The following HMCN1 variants were observed in gnomAD, a reference collection of about 807,000 sequenced individuals.
The protein encoded by HMCN1 is hemicentin-1.
Under a neutral mutation model 625.9 loss-of-function variants are expected in HMCN1, and 321 were observed. The ratio of observed to expected loss-of-function variants is 0.51; its 90% CI spans 0.47 to 0.56. HMCN1 has a LOEUF of 0.56. Among genes scored for constraint, HMCN1 ranks in the 20% least tolerant of loss-of-function variants. The probability of loss-of-function intolerance (pLI) is 0.00; values close to 1 mark genes in which losing one functional copy is unlikely to be tolerated. For missense variants in HMCN1, 6,588 were observed against 6,887.3 expected, an observed-to-expected ratio of 0.96 and a Z score of 1.54; for synonymous variants, 2,425 against 2,417.6, an observed-to-expected ratio of 1.00 and a Z score of -0.09.
intron 4 of HMCN1, among the ~76,000 whole-genome samples, chr1:185,899,621 G>A (rs1297275625): frequency 6.6e-6 from 1 of 152,118 alleles, no homozygotes; most frequent in Non-Finnish European, 1.5e-5. Context: ...GAACATTTAT[G>A]TTCTGTTATC....
intron 68 of HMCN1, among the ~76,000 whole-genome samples, chr1:186,101,770 A>G (rs716756): frequency 0.64 from 97,388 of 151,938 alleles, 33,468 homozygotes; most frequent in African/African-American, 0.91. Flanking sequence ...TGTATTCATG[A>G]TGATTGACAT....
chr1:185,840,103 T>C (rs1661389269), intron 1 of HMCN1, among the ~76,000 whole-genome samples: 1 of 152,206 alleles, frequency 6.6e-6, no homozygotes, highest in African/African-American at 2.4e-5. Context: ...CAGGAAACAG[T>C]TCTGCATTTG....
At chr1:186,022,443 G>T (rs1190408718) in intron 35 of HMCN1, among the ~76,000 whole-genome samples, 3 of 152,098 alleles carry the variant, frequency 2.0e-5, no homozygotes, top group Non-Finnish European at 2.9e-5. Flanking sequence ...TACTACCTAG[G>T]CTGGTGGGTA....
chr1:185,793,694 A>C (rs1658155530), intron 1 of HMCN1, among the ~76,000 whole-genome samples: 1 of 152,208 alleles, frequency 6.6e-6, no homozygotes, highest in South Asian at 2.1e-4. Flanking sequence ...TTGATATCAA[A>C]TATTTAAATT....
intron 11 of HMCN1, among the ~76,000 whole-genome samples, chr1:185,956,336 T>C (rs2102544956): frequency 1.3e-5 from 2 of 152,296 alleles, no homozygotes; most frequent in South Asian, 2.1e-4. Context: ...CTGATGCCAA[T>C]TGCAAACTGT....
intron 1 of HMCN1, among the ~76,000 whole-genome samples, chr1:185,776,799 A>G (rs865919921): frequency 6.6e-6 from 1 of 152,180 alleles, no homozygotes. Context: ...CCTGTTTCAG[A>G]TGTTTGTGTT....
chr1:185,811,497 C>T (rs1201057675), intron 1 of HMCN1, among the ~76,000 whole-genome samples: 8 of 151,758 alleles, frequency 5.3e-5, no homozygotes, highest in Non-Finnish European at 1.0e-4. Flanking sequence ...GCTTAGGAGG[C>T]GGAGGTGGGA....
intron 2 of HMCN1, among the ~76,000 whole-genome samples, chr1:185,850,272 A>C (rs975323842): frequency 2.0e-5 from 3 of 152,176 alleles, no homozygotes; most frequent in African/African-American, 7.2e-5. Flanking sequence ...TACAGAAAAT[A>C]CCCGAAAAAC....
At chr1:185,913,743 A>G (rs1208050508) in intron 6 of HMCN1, among the ~76,000 whole-genome samples, 4 of 152,106 alleles carry the variant, frequency 2.6e-5, no homozygotes, top group Non-Finnish European at 5.9e-5. Flanking sequence ...CATGACTGTT[A>G]TTTTACCTTG....
intron 1 of HMCN1, among the ~76,000 whole-genome samples, chr1:185,786,031 T>C (rs1311543911): frequency 6.6e-6 from 1 of 152,218 alleles, no homozygotes; most frequent in Non-Finnish European, 1.5e-5. Context: ...ATTCTTTGTA[T>C]GACTGAGATC....
intron 1 of HMCN1, among the ~76,000 whole-genome samples, chr1:185,813,649 G>A (rs79953025): frequency 0.023 from 3,562 of 152,164 alleles, 129 homozygotes; most frequent in African/African-American, 0.077. Context: ...CAAAATCCTA[G>A]TAGAAACTTT....
chr1:185,748,505 G>A (rs566987523), intron 1 of HMCN1, among the ~76,000 whole-genome samples: 5 of 152,136 alleles, frequency 3.3e-5, no homozygotes, highest in Non-Finnish European at 7.4e-5. Flanking sequence ...TATATTTATT[G>A]TATGTTATGG....
intron 11 of HMCN1, among the ~76,000 whole-genome samples, chr1:185,961,071 T>G (rs901109758): frequency 5.9e-5 from 9 of 152,140 alleles, no homozygotes; most frequent in African/African-American, 2.2e-4. Flanking sequence ...AAAAATCCTT[T>G]AAACATTAAC....
chr1:185,877,574 A>G (rs1361874975), intron 4 of HMCN1, among the ~76,000 whole-genome samples: 1 of 151,750 alleles, frequency 6.6e-6, no homozygotes, highest in Non-Finnish European at 1.5e-5. Flanking sequence ...TTTTAACAAT[A>G]TTGATTCTTC....
chr1:185,941,586 T>C (rs77277127), intron 11 of HMCN1, among the ~76,000 whole-genome samples: 4,104 of 152,282 alleles, frequency 0.027, 175 homozygotes, highest in African/African-American at 0.088. Flanking sequence ...ATAACTAAAT[T>C]AGATTTTCTT....
chr1:185,912,855 TC>T (rs1666505629), intron 6 of HMCN1, among the ~76,000 whole-genome samples: 1 of 152,134 alleles, frequency 6.6e-6, no homozygotes, highest in Admixed American at 6.6e-5. Context: ...CTGGGAGAAC[TC>T]AAATGAAGAT....
intron 34 of HMCN1, among the ~76,000 whole-genome samples, chr1:186,019,216 G>A (rs1654557180): frequency 6.6e-6 from 1 of 151,938 alleles, no homozygotes; most frequent in South Asian, 2.1e-4. Flanking sequence ...ACTTAATGAA[G>A]TAGTTCTAGA....
intron 1 of HMCN1, among the ~76,000 whole-genome samples, chr1:185,788,207 G>T (rs1373075166): frequency 6.6e-6 from 1 of 152,194 alleles, no homozygotes; most frequent in African/African-American, 2.4e-5. Context: ...TCTTATGCCA[G>T]TGCAACCGAC....
chr1:185,933,699 T>C lies in HMCN1; in HGVS notation c.1703T>C (p.Ile568Thr). 1 of 1,614,030 alleles carries C rather than the reference T, an allele frequency of 6.2e-7. No individual in the cohort carries two copies. Among genetic ancestry groups the C allele is most frequent in the Non-Finnish European group, 8.5e-7 (1 of 1,179,958 alleles). ...RDVRLAEPAR[I>T]RTLANLSLEL... The stretch of plus-strand genomic sequence containing the variant: ...GTCAGACTGGCAGAGCCAGCGAGAA[T>C]TAGGACCTTGGCTAATCTGTCATTG... Residue 568 changes from isoleucine (I) to threonine (T), a missense_variant, in exon 11 of 107, where the codon ATT becomes ACT. Transcript: ENST00000271588.
Sources: allele counts gnomAD v4.1 joint callset (sites outside exome capture counted in the v4.1 genomes callset), GRCh38; gene constraint gnomAD v4.1.1; transcripts MANE v1.5; gene names NCBI Gene and HGNC (gene_info 2026-07-23, HGNC 2026-07-21).